Variants in LRRC56 observed in about 807,000 individuals in gnomAD.
LRRC56 encodes leucine rich repeat containing 56.
A neutral mutation model predicts 47.8 loss-of-function variants in LRRC56; 41 were observed. The observed-to-expected ratio is 0.86, with a 90% CI of 0.67 to 1.11. The LOEUF is 1.11. Ranked by LOEUF, LRRC56 falls within the 50% of genes most tolerant of loss-of-function variation. The pLI, the probability that LRRC56 is intolerant of heterozygous loss-of-function variation, is 0.00. For missense variants in LRRC56, 759 were observed against 704.2 expected (o/e 1.08, Z -0.88); for synonymous variants, 387 against 311.2 (o/e 1.24, Z -2.56).
In LRRC56 at chr11:541,610, G is replaced by C. The variant is rs762082968; in HGVS notation, c.251G>C (p.Ser84Thr). Residue 84 changes from serine (S) to threonine (T), a missense_variant, in exon 5 of 14, where the codon AGC (serine) becomes ACC (threonine). Coordinates refer to ENST00000270115, the MANE Select transcript of LRRC56 (RefSeq NM_198075.4). The surrounding 1 kb of genome is among the most constrained non-coding windows in gnomAD (Gnocchi z 4.1). Reference protein sequence around the residue: ...LEMCVDTREGSLGNFGVHLPN... With the variant: ...LEMCVDTREGTLGNFGVHLPN... ...ATGTGTGTGGACACTCGTGAGGGCA[G>C]CCTGGGGAACTTTGGTGAGCCTCTT... 5.1e-6 allele frequency: 8 copies of C among 1,576,950 alleles called. No homozygotes were observed. The highest frequency in any genetic ancestry group is 6.9e-6 in the Non-Finnish European group (8 of 1,160,042).
the LRRC56 span, among the ~76,000 whole-genome samples, chr11:531,730 G>A: frequency 6.6e-6 from 1 of 152,240 alleles, no homozygotes; most frequent in African/African-American, 2.4e-5. Flanking sequence ...GCAGAGGCCT[G>A]AGGCCAGTCG....
chr11:513,916 C>T, the LRRC56 span, among the ~76,000 whole-genome samples: 1 of 152,152 alleles, frequency 6.6e-6, no homozygotes, highest in African/African-American at 2.4e-5. Context: ...AGACCTTCCA[C>T]CAGCAAAGAG....
chr11:526,518 A>G, the LRRC56 span, among the ~76,000 whole-genome samples: 2 of 152,190 alleles, frequency 1.3e-5, no homozygotes, highest in African/African-American at 4.8e-5. Flanking sequence ...CTGAAAGTCT[A>G]CGTCCTCGGG....
In LRRC56 at chr11:550,207, C is replaced by T. The variant is rs771943885; in HGVS notation, c.559C>T (p.Leu187=). 1 of 1,612,642 alleles carries T rather than the reference C, an allele frequency of 6.2e-7. No homozygotes were observed. The highest frequency in any genetic ancestry group is 2.2e-5 in the East Asian group (1 of 44,880). The change falls in exon 8 of 14, where the codon CTG becomes TTG. Residue 187 remains leucine, a synonymous_variant. Transcript: ENST00000270115. ...GCGCTACTTGCAGCTGTGCCCACGC[C>T]TGGCCATGCTCACCCTGGAGGGCAA... ...QVRYLQLCPR[L]AMLTLEGNLV...
At chr11:538,297 C>T (rs370621767) in intron 1 of LRRC56, among the ~76,000 whole-genome samples, 1 of 152,144 alleles carries the variant, frequency 6.6e-6, no homozygotes, top group African/African-American at 2.4e-5. Flanking sequence ...AGGGGCTGCC[C>T]GTGACCCCGC....
At chr11:529,147 T>C in the LRRC56 span, 1 of 152,290 alleles carries the variant, frequency 6.6e-6, no homozygotes, top group Non-Finnish European at 1.5e-5. Flanking sequence ...CTCACGCCAT[T>C]TGACAGGCGA....
chr11:536,131 GC>G (rs991120173), upstream of LRRC56, among the ~76,000 whole-genome samples: 11 of 152,184 alleles, frequency 7.2e-5, no homozygotes, highest in Non-Finnish European at 1.5e-4. Context: ...TACTCCCACC[GC>G]AACCCACCCC....
the LRRC56 span, among the ~76,000 whole-genome samples, chr11:524,172 A>G: frequency 4.6e-4 from 70 of 152,342 alleles, no homozygotes; most frequent in African/African-American, 1.5e-3. Flanking sequence ...AAGAAGACTC[A>G]CATAACCCAA....
chr11:537,351 C>G (rs1589799067), upstream of LRRC56: 1 of 152,254 alleles, frequency 6.6e-6, no homozygotes, highest in South Asian at 2.1e-4. Context: ...CAGGGGCGCC[C>G]ACGCACGTGC....
intron 2 of LRRC56, among the ~76,000 whole-genome samples, 173 bp from the exon 3 acceptor site, chr11:539,407 C>T (rs1188632154): frequency 6.2e-5 from 4 of 64,908 alleles, no homozygotes; most frequent in Non-Finnish European, 1.2e-4. Flanking sequence ...TTTTTTGAGA[C>T]AGAGTCTTGC....
Position 554,209 on chromosome 11 carries a change from C to A in LRRC56, c.1562C>A (p.Ala521Glu). 6.5e-7 allele frequency: 1 copy of A among 1,541,300 alleles called. No individual in the cohort carries two copies. The highest frequency in any genetic ancestry group is 1.2e-5 in the South Asian group (1 of 82,092). Residue 521 changes from alanine to glutamate, a missense_variant, in exon 14 of 14, where the codon GCA (alanine) becomes GAA (glutamate). By Grantham distance (107) the Ala-to-Glu change is moderately radical (BLOSUM62 -1). Transcript: ENST00000270115. ...CAGGGATGTCCTGGCCCAAAGCCAG[C>A]ACCAGATGCAGCAGCTAGACCTCCC... ...RAQGCPGPKP[A>E]PDAAARPPRA...
chr11:553,619 G>T (rs987716390), intron 13 of LRRC56, among the ~76,000 whole-genome samples: 1 of 152,158 alleles, frequency 6.6e-6, no homozygotes, highest in African/African-American at 2.4e-5. Flanking sequence ...GAACCGGCCC[G>T]GGGCGGTCAG....
the LRRC56 span, among the ~76,000 whole-genome samples, chr11:509,996 C>CT: frequency 0.33 from 50,611 of 151,674 alleles, 8,550 homozygotes; most frequent in African/African-American, 0.38. Flanking sequence ...CTCATTTCCC[C>CT]GGGTCCTGGC....
the LRRC56 span, among the ~76,000 whole-genome samples, chr11:513,421 G>A: frequency 5.9e-5 from 9 of 152,096 alleles, no homozygotes; most frequent in Non-Finnish European, 2.9e-5. Flanking sequence ...AGTGTCCCGA[G>A]GTGCTGGGAT....
chr11:521,109 G>GC, the LRRC56 span, among the ~76,000 whole-genome samples: 1 of 152,112 alleles, frequency 6.6e-6, no homozygotes, highest in Non-Finnish European at 1.5e-5. Context: ...AGGCCCAATC[G>GC]CCCCCCAGCG....
At chr11:519,041 C>T in the LRRC56 span, among the ~76,000 whole-genome samples, 1 of 150,894 alleles carries the variant, frequency 6.6e-6, no homozygotes, top group Non-Finnish European at 1.5e-5. Flanking sequence ...GCCGCGAGGG[C>T]AGCTCCCGTG....
upstream of LRRC56, chr11:532,905 G>A (rs1345803381): frequency 4.9e-6 from 4 of 817,134 alleles, no homozygotes; most frequent in Non-Finnish European, 8.2e-6. Context: ...ACGGGAAGCT[G>A]GACTCTGGCC....
chr11:545,010 T>G (rs574517175), intron 6 of LRRC56, among the ~76,000 whole-genome samples: 1 of 151,122 alleles, frequency 6.6e-6, no homozygotes, highest in East Asian at 2.0e-4. Flanking sequence ...TGTGAGGGGG[T>G]CTCTGAGAGG....
intron 5 of LRRC56, 107 bp from the exon 6 acceptor site, chr11:544,613 C>CCT: frequency 8.6e-7 from 1 of 1,168,938 alleles, no homozygotes; most frequent in Non-Finnish European, 1.3e-6. Flanking sequence ...TGAGGCTGGC[C>CCT]CACGAGCAGT....
Sources: gnomAD v4.1 joint callset for allele counts (sites outside exome capture counted in the v4.1 genomes callset) on GRCh38, gnomAD v4.1.1 for gene constraint, Gnocchi (gnomAD v3.1) non-coding constraint, MANE v1.5 for transcripts, NCBI Gene and HGNC (gene_info 2026-07-23, HGNC 2026-07-21) for gene names.